The following HSPG2 variants were observed in gnomAD, a reference collection of about 807,000 sequenced individuals.
The protein encoded by HSPG2 is basement membrane-specific heparan sulfate proteoglycan core protein.
A neutral mutation model predicts 526.6 loss-of-function variants in HSPG2; 278 were observed. The ratio of observed to expected loss-of-function variants is 0.53; its 90% CI spans 0.48 to 0.58. The LOEUF (loss-of-function observed/expected upper bound fraction) is 0.58. HSPG2 is among the 20% of genes least tolerant of loss of function. The pLI, the probability that HSPG2 is intolerant of heterozygous loss-of-function variation, is 0.00. For synonymous variants in HSPG2, 2,465 were observed against 2,555.4 expected (o/e 0.96, Z 1.07); for missense variants, 5,354 against 6,099.5 (o/e 0.88, Z 4.07).
Position 21,824,235 on chromosome 1 carries a change from C to T in HSPG2, c.12816-31G>A. ...GTCATCCAGGCCCAAGAAGTATGAG[C>T]TGGGGCAGGACCGGGGGGTGGGGTG... is the stretch of plus-strand genomic sequence containing the variant. On this transcript the variant is annotated intron_variant, in intron 94 of 96. Transcript: ENST00000374695. The surrounding 1 kb of genome is among the most constrained non-coding windows in gnomAD (Gnocchi z 5.9). The T allele has an allele frequency of 1.9e-6, 3 of 1,613,542 alleles. No homozygotes were observed. Among genetic ancestry groups the T allele is most frequent in the Non-Finnish European group, 2.5e-6 (3 of 1,179,772 alleles).
intron 64 of HSPG2, 66 bp downstream of exon 64, chr1:21,846,042 C>A: frequency 6.3e-7 from 1 of 1,578,204 alleles, no homozygotes; most frequent in Non-Finnish European, 8.7e-7. Flanking sequence ...TCTGCCAGTT[C>A]TGCCCCCTGG....
rs777421165 is a variant in HSPG2, at chr1:21,889,962, G to C, written c.574+19C>G. The C allele has an allele frequency of 1.9e-6, 3 of 1,614,000 alleles. 1 individual carries two copies. The Admixed American group carries it at 5.0e-5, about 27-fold the overall frequency. ...CACGAGTCTGGAGGAGGCGATCCCAGACACCAGGATAGGCTCACCTGTGCC... is the reference window on the plus strand; with the variant it reads ...CACGAGTCTGGAGGAGGCGATCCCACACACCAGGATAGGCTCACCTGTGCC... On this transcript the variant is annotated intron_variant, in intron 6 of 96. Transcript: ENST00000374695.
chr1:21,921,383 A>G (rs1482080546), intron 1 of HSPG2, among the ~76,000 whole-genome samples: 1 of 152,126 alleles, frequency 6.6e-6, no homozygotes, highest in Admixed American at 6.5e-5. Context: ...TACAGCTGCC[A>G]CCAAACCACA....
At chr1:21,879,292 T>C (rs1641327509) in intron 17 of HSPG2, among the ~76,000 whole-genome samples, 171 bp from the exon 18 acceptor site, 1 of 152,122 alleles carries the variant, frequency 6.6e-6, no homozygotes, top group African/African-American at 2.4e-5. Context: ...GCTCATCATC[T>C]TACACGGCAG....
chr1:21,860,353 C>A, intron 39 of HSPG2, 118 bp from the exon 40 acceptor site: 1 of 891,240 alleles, frequency 1.1e-6, no homozygotes, highest in Admixed American at 2.2e-5. Context: ...AGGCTCGGAG[C>A]TCTGGAAGCA....
intron 75 of HSPG2, among the ~76,000 whole-genome samples, 178 bp downstream of exon 75, chr1:21,836,624 T>C (rs2098027266): frequency 6.6e-6 from 1 of 152,158 alleles, no homozygotes; most frequent in Non-Finnish European, 1.5e-5. Flanking sequence ...TGCCTGGACC[T>C]CATTCAGTCT....
chr1:21,886,772 G>A (rs894488272), intron 9 of HSPG2, among the ~76,000 whole-genome samples: 7 of 152,140 alleles, frequency 4.6e-5, no homozygotes, highest in Non-Finnish European at 4.4e-5. Flanking sequence ...GTGGGTGCAT[G>A]GGTGGCTGGG....
chr1:21,825,522 CTG>C (rs1326186753), intron 91 of HSPG2, among the ~76,000 whole-genome samples: 1 of 152,186 alleles, frequency 6.6e-6, no homozygotes, highest in African/African-American at 2.4e-5. Context: ...GATGTCCATA[CTG>C]TGTGTGGCTC....
chr1:21,876,971 AT>A (rs1253964452), intron 21 of HSPG2, among the ~76,000 whole-genome samples: 1 of 145,762 alleles, frequency 6.9e-6, no homozygotes, highest in Non-Finnish European at 1.5e-5. Context: ...AGGAAGGAGA[AT>A]TGTTTGAAAC....
chr1:21,897,079 G>A (rs1642806193), intron 1 of HSPG2, among the ~76,000 whole-genome samples: 1 of 152,240 alleles, frequency 6.6e-6, no homozygotes, highest in African/African-American at 2.4e-5. Context: ...GGCCCCAGCA[G>A]CCATAACACC....
At chr1:21,920,140 C>T (rs571955185) in intron 1 of HSPG2, among the ~76,000 whole-genome samples, 5 of 152,314 alleles carry the variant, frequency 3.3e-5, no homozygotes, top group East Asian at 1.9e-4. Flanking sequence ...CTCCTGGCCT[C>T]GAGTGATCCG....
intron 1 of HSPG2, among the ~76,000 whole-genome samples, chr1:21,897,807 C>T (rs1019391549): frequency 6.6e-6 from 1 of 152,146 alleles, no homozygotes; most frequent in African/African-American, 2.4e-5. Context: ...TGATGGTTCC[C>T]TGGGCATACA....
rs1642232758 is a variant in HSPG2, at chr1:21,889,972, T to C, written c.574+9A>G. 6.2e-7 allele frequency: 1 copy of C among 1,613,820 alleles called. No individual in the cohort carries two copies. Among genetic ancestry groups the C allele is most frequent in the Non-Finnish European group, 8.5e-7 (1 of 1,179,922 alleles). ...GAGGAGGCGATCCCAGACACCAGGA[T>C]AGGCTCACCTGTGCCCAGGCGTCGG... On this transcript the variant is annotated intron_variant, in intron 6 of 96. Coordinates refer to ENST00000374695, the MANE Select transcript of HSPG2 (RefSeq NM_005529.7).
Position 21,828,896 on chromosome 1 carries a change from G to A in HSPG2, c.12176C>T (p.Pro4059Leu). Residue 4059 changes from proline to leucine, a missense_variant, in exon 88 of 97, where the codon CCT (proline) becomes CTT (leucine). Transcript: ENST00000374695. This position sits in a 1 kb window ranked among gnomAD's most constrained non-coding sequence, Gnocchi z 6.0. ...GGTGGCCGGGGACAGTGGCACGGAAGGCTCCACACCCCCCAGGTAGAGCAG... is the reference window on the plus strand; with the variant it reads ...GGTGGCCGGGGACAGTGGCACGGAAAGCTCCACACCCCCCAGGTAGAGCAG... ...HTLLYLGGVE[P>L]SVPLSPATNM... The A allele has an allele frequency of 6.4e-7, 1 of 1,556,256 alleles. No homozygotes were observed. The highest frequency in any genetic ancestry group is 8.7e-7 in the Non-Finnish European group (1 of 1,149,850).
chr1:21,896,684 G>T (rs1642770707), intron 1 of HSPG2, among the ~76,000 whole-genome samples: 1 of 152,184 alleles, frequency 6.6e-6, no homozygotes, highest in Non-Finnish European at 1.5e-5. Flanking sequence ...GCCTCGGGCA[G>T]CGCAGATGGG....
intron 71 of HSPG2, 129 bp from the exon 72 acceptor site, chr1:21,840,146 A>G: frequency 1.3e-6 from 1 of 748,826 alleles, no homozygotes; most frequent in Non-Finnish European, 2.2e-6. Context: ...TTATTTATAT[A>G]TTTATTTTTT....
chr1:21,839,439 C>T lies in HSPG2; in HGVS notation c.9821G>A (p.Gly3274Asp). 1 of 1,614,068 alleles carries T rather than the reference C, an allele frequency of 6.2e-7. No homozygotes were observed. The highest frequency in any genetic ancestry group is 1.1e-5 in the South Asian group (1 of 91,086). ...GCTAGTGGCATTGCAGATGTACTGG[C>T]CCGAGTCCTGCTGGGCTACCCGGGG... ...IIPRVAQQDS[G>D]QYICNATSPA... is the part of the protein sequence containing the mutation. Residue 3274 changes from glycine (G) to aspartate (D), a missense_variant, in exon 73 of 97, where the codon GGC becomes GAC. Coordinates refer to ENST00000374695, the MANE Select transcript of HSPG2 (RefSeq NM_005529.7). The surrounding 1 kb of genome is among the most constrained non-coding windows in gnomAD (Gnocchi z 4.5).
intron 9 of HSPG2, among the ~76,000 whole-genome samples, chr1:21,886,163 G>C (rs1430921204): frequency 6.6e-6 from 1 of 152,262 alleles, no homozygotes; most frequent in East Asian, 1.9e-4. Context: ...AGGAGCCCAC[G>C]AGGCCATTCA....
In HSPG2 at chr1:21,850,347, C is replaced by T. The variant is rs1184200929; in HGVS notation, c.7294+16G>A. On this transcript the variant is annotated intron_variant, in intron 56 of 96. Coordinates refer to ENST00000374695, the MANE Select transcript of HSPG2 (RefSeq NM_005529.7). The stretch of plus-strand genomic sequence containing the variant: ...ACCCTGGGTCCCCAGCCCTGCCCTC[C>T]CTGAGAGCTACTCACCAGGCACTGA... 1 of 1,604,194 alleles carries T rather than the reference C, an allele frequency of 6.2e-7. No homozygotes were observed. Among genetic ancestry groups the T allele is most frequent in the Admixed American group, 1.7e-5 (1 of 58,312 alleles).
Sources: allele counts gnomAD v4.1 joint callset (sites outside exome capture counted in the v4.1 genomes callset), GRCh38; gene constraint gnomAD v4.1.1; non-coding constraint Gnocchi (gnomAD v3.1); transcripts MANE v1.5; gene names NCBI Gene and HGNC (gene_info 2026-07-23, HGNC 2026-07-21).